Variants in ROS1 observed in about 807,000 individuals in gnomAD.
The protein encoded by ROS1 is proto-oncogene tyrosine-protein kinase ROS.
ROS1 carries 263 observed loss-of-function variants against 273.5 expected under a neutral mutation model. The ratio of observed to expected loss-of-function variants is 0.96; its 90% CI spans 0.87 to 1.06. ROS1 has a LOEUF of 1.06. Among genes scored for constraint, ROS1 ranks in the 50% least tolerant of loss-of-function variants. The probability of loss-of-function intolerance (pLI) is 0.00; values close to 1 mark genes in which losing one functional copy is unlikely to be tolerated. For missense variants in ROS1, 2,833 were observed against 2,751.1 expected (o/e 1.03, Z -0.67); for synonymous variants, 1,008 against 954.1 (o/e 1.06, Z -1.04).
chr6:117,396,609 CCTTA>C (rs1280270092), intron 8 of ROS1, among the ~76,000 whole-genome samples: 3 of 152,198 alleles, frequency 2.0e-5, no homozygotes, highest in Non-Finnish European at 4.4e-5. Context: ...AACTCTACCT[CCTTA>C]CTTTTTTCAT....
intron 17 of ROS1, among the ~76,000 whole-genome samples, chr6:117,379,392 C>A (rs1430325468): frequency 6.6e-6 from 1 of 152,108 alleles, no homozygotes; most frequent in Non-Finnish European, 1.5e-5. Context: ...GTGTATTATT[C>A]ACTTTTATAT....
chr6:117,295,434 A>C (rs571461584), intron 43 of ROS1, among the ~76,000 whole-genome samples: 1 of 152,310 alleles, frequency 6.6e-6, no homozygotes, highest in Admixed American at 6.5e-5. Flanking sequence ...TGGGGCAAAA[A>C]TTTCTTGAGC....
At chr6:117,353,239 A>C in intron 26 of ROS1, 73 bp from the exon 27 acceptor site, 1 of 1,085,200 alleles carries the variant, frequency 9.2e-7, no homozygotes, top group African/African-American at 1.6e-5. Context: ...AAATGTATGA[A>C]ATTTTTTCTA....
chr6:117,348,793 C>T (rs1406250600), intron 27 of ROS1, among the ~76,000 whole-genome samples: 2 of 151,836 alleles, frequency 1.3e-5, no homozygotes, highest in East Asian at 3.9e-4. Context: ...GTTTTGTTTT[C>T]ATTTTTAGTT....
chr6:117,380,582 A>C (rs1280943054), intron 17 of ROS1, among the ~76,000 whole-genome samples: 1 of 152,016 alleles, frequency 6.6e-6, no homozygotes, highest in Non-Finnish European at 1.5e-5. Flanking sequence ...TACATTACAA[A>C]TTAAGTCTAT....
chr6:117,293,666 G>A (rs1002211551), intron 43 of ROS1, among the ~76,000 whole-genome samples: 21 of 151,904 alleles, frequency 1.4e-4, no homozygotes, highest in Non-Finnish European at 1.8e-4. Context: ...TGAGATTACT[G>A]GAAAAGTTAC....
At chr6:117,322,550 G>T (rs1205458024) in intron 35 of ROS1, among the ~76,000 whole-genome samples, 1 of 152,052 alleles carries the variant, frequency 6.6e-6, no homozygotes, top group Non-Finnish European at 1.5e-5. Flanking sequence ...TATTTTACAG[G>T]TTTACATTTT....
chr6:117,303,430 T>A (rs568617354), intron 42 of ROS1, among the ~76,000 whole-genome samples: 118 of 152,278 alleles, frequency 7.7e-4, no homozygotes, highest in Non-Finnish European at 1.3e-3. Flanking sequence ...GAAAATAAGA[T>A]ACTACTCATG....
chr6:117,299,776 T>A lies in ROS1; in HGVS notation c.6715+1198A>T, dbSNP rs1240826759. On this transcript the variant is annotated intron_variant, in intron 43 of 43. Coordinates refer to ENST00000368507, the MANE Select transcript of ROS1 (RefSeq NM_001378902.1). ...TAAGCTGAAGGAGAAATATTTTAAA[T>A]TCATTTTTCTGCAGCCAATTAGGCA... The A allele has an allele frequency of 9.2e-5, 14 of 152,350 alleles. No homozygotes were observed. The East Asian group carries it at 2.1e-3, about 23-fold the overall frequency. 9.4% of individuals were successfully genotyped at this position (152,350 alleles called of 1,614,324 possible). A position where few individuals can be genotyped will look rare whatever the true frequency, so the allele number is the denominator to read the frequency against.
chr6:117,384,470 A>G lies in ROS1; in HGVS notation c.2290-962T>C, dbSNP rs1168530422. The stretch of plus-strand genomic sequence containing the variant: ...GGGACATGTCGGCTATTTGTTTTAT[A>G]TTCCCTACTTTGCCTTCTTTCAAGG... On this transcript the variant is annotated intron_variant, in intron 16 of 43. Transcript: ENST00000368507. Among the ~76,000 whole-genome samples the G allele has an allele frequency of 2.0e-5, 3 of 152,190 alleles. No individual in the cohort carries two copies. In the East Asian group the frequency reaches 5.8e-4, roughly 29 times the overall value.
chr6:117,291,079 T>A (rs568459207), intron 43 of ROS1, among the ~76,000 whole-genome samples: 1 of 152,238 alleles, frequency 6.6e-6, no homozygotes, highest in African/African-American at 2.4e-5. Context: ...GTTTTTTCTC[T>A]CTTCCCTGCC....
rs749044063 is a variant in ROS1, at chr6:117,394,317, C to T, written c.1036G>A (p.Val346Ile). The T allele has an allele frequency of 9.3e-6, 15 of 1,605,264 alleles. No individual in the cohort carries two copies. Among genetic ancestry groups the T allele is most frequent in the Middle Eastern group, 1.7e-4 (1 of 6,050 alleles). ...ATGAGAGTTCCTTCAGAGAAATAAA[C>T]AATTTGCTGGTGGACATCAACAGAT... ...GISVDVHQQIVYFSEGTLIWA... is the reference protein window; with the variant it reads ...GISVDVHQQIIYFSEGTLIWA... The change falls in exon 11 of 44, where the codon GTT (valine) becomes ATT (isoleucine). Residue 346 changes from valine (V) to isoleucine (I), a missense_variant. By Grantham distance (29) the Val-to-Ile change is conservative. Transcript: ENST00000368507.
chr6:117,394,142 CTT>C lies in ROS1; in HGVS notation c.1191+18_1191+19del. On this transcript the variant is annotated intron_variant, in intron 11 of 43. Coordinates refer to ENST00000368507, the MANE Select transcript of ROS1 (RefSeq NM_001378902.1). ...AGTATCACTGTCTATCACTATTCCT[CTT>C]TAACTTCTCGGACTAACCAGTTCAT... 4 of 1,524,984 alleles carry C rather than the reference CTT, an allele frequency of 2.6e-6. No homozygotes were observed. The highest frequency in any genetic ancestry group is 3.6e-6 in the Non-Finnish European group (4 of 1,125,532). 94.5% of individuals were successfully genotyped at this position (1,524,984 alleles called of 1,614,324 possible).
chr6:117,343,302 G>GA (rs930032366), intron 28 of ROS1, among the ~76,000 whole-genome samples: 3 of 152,084 alleles, frequency 2.0e-5, no homozygotes, highest in South Asian at 2.1e-4. Flanking sequence ...AGGAAGGAAT[G>GA]AAAAATCACA....
Position 117,288,804 on chromosome 6 carries a change from TG to T in ROS1, c.6716-3del, listed in dbSNP as rs1156526113. 4.4e-6 allele frequency: 7 copies of T among 1,578,512 alleles called. No individual in the cohort carries two copies. The highest frequency in any genetic ancestry group is 6.0e-6 in the Non-Finnish European group (7 of 1,165,584). On this transcript the variant is annotated splice_region_variant and splice_polypyrimidine_tract_variant and intron_variant, in intron 43 of 43. Coordinates refer to ENST00000368507, the MANE Select transcript of ROS1 (RefSeq NM_001378902.1). The stretch of plus-strand genomic sequence containing the variant: ...AACAAATCACATCGCCATCTTCACC[TG>T]TGAAAAAAATATGAATGTTATTCTA...
intron 43 of ROS1, among the ~76,000 whole-genome samples, chr6:117,300,695 C>T (rs763075876): frequency 2.0e-4 from 31 of 152,142 alleles, no homozygotes; most frequent in Non-Finnish European, 8.8e-5. Flanking sequence ...AGAAGGAGAA[C>T]AGACCTTATG....
chr6:117,363,120 C>G (rs1199648859), intron 21 of ROS1, among the ~76,000 whole-genome samples: 2 of 152,188 alleles, frequency 1.3e-5, no homozygotes, highest in Admixed American at 6.6e-5. Context: ...ATCCTTCCTA[C>G]TACCACTTAA....
chr6:117,372,381 CA>C (rs1780874770), intron 18 of ROS1, among the ~76,000 whole-genome samples: 1 of 152,216 alleles, frequency 6.6e-6, no homozygotes, highest in South Asian at 2.1e-4. Flanking sequence ...CTAATACTGA[CA>C]AATTAATTCA....
Position 117,362,780 on chromosome 6 carries a change from C to T in ROS1, c.3189G>A (p.Arg1063=), listed in dbSNP as rs1050197103. The T allele has an allele frequency of 5.0e-6, 8 of 1,613,574 alleles. No homozygotes were observed. The African/African-American group carries it at 9.4e-5, about 19-fold the overall frequency. Residue 1063 remains arginine, a synonymous_variant, in exon 22 of 44, where the codon AGG becomes AGA. Transcript: ENST00000368507. ...CATTTTCATGCTTAGGTTTGTTCCA[C>T]CTAAATTCCACCACAACTTCATTCT... ...CNKNEVVVEF[R]WNKPKHENGV...
Sources: gnomAD v4.1 joint callset for allele counts (sites outside exome capture counted in the v4.1 genomes callset) on GRCh38, gnomAD v4.1.1 for gene constraint, MANE v1.5 for transcripts, NCBI Gene and HGNC (gene_info 2026-07-23, HGNC 2026-07-21) for gene names.